The following RBM20 variants were observed in gnomAD, a reference collection of about 807,000 sequenced individuals.
RBM20 encodes the protein RNA-binding protein 20.
A neutral mutation model predicts 110.1 loss-of-function variants in RBM20; 51 were observed. The observed-to-expected ratio is 0.46, with a 90% CI of 0.37 to 0.59. The LOEUF (loss-of-function observed/expected upper bound fraction) is 0.59. Among genes scored for constraint, RBM20 ranks in the 20% least tolerant of loss-of-function variants. RBM20 has a pLI of 0.00. For missense variants in RBM20, 1,512 were observed against 1,574.9 expected (o/e 0.96, Z 0.68); for synonymous variants, 589 against 618.2 (o/e 0.95, Z 0.70).
chr10:110,688,974 C>T (rs1014766876), intron 1 of RBM20, among the ~76,000 whole-genome samples: 23 of 149,868 alleles, frequency 1.5e-4, no homozygotes, highest in African/African-American at 5.2e-4. Context: ...ATAATAGGAT[C>T]TTATAGAATG....
intron 1 of RBM20, among the ~76,000 whole-genome samples, chr10:110,673,736 A>G (rs1331948106): frequency 2.0e-5 from 3 of 152,144 alleles, no homozygotes; most frequent in Admixed American, 6.5e-5. Flanking sequence ...AACTCCCCAC[A>G]TTCTGAGGAC....
At chr10:110,753,087 C>T (rs1359361560) in intron 1 of RBM20, among the ~76,000 whole-genome samples, 4 of 151,198 alleles carry the variant, frequency 2.6e-5, no homozygotes, top group Non-Finnish European at 5.9e-5. Context: ...TGCAGGCGTG[C>T]GCCACCATAC....
chr10:110,702,711 T>A (rs373337453), intron 1 of RBM20, among the ~76,000 whole-genome samples: 27 of 152,184 alleles, frequency 1.8e-4, no homozygotes, highest in African/African-American at 5.5e-4. Context: ...AATGCAGAGA[T>A]CTCAGAAGGG....
intron 1 of RBM20, among the ~76,000 whole-genome samples, chr10:110,770,152 G>T (rs974270813): frequency 6.6e-6 from 1 of 152,166 alleles, no homozygotes; most frequent in African/African-American, 2.4e-5. Flanking sequence ...CAGATCTTCC[G>T]AGTCAGACAC....
At chr10:110,725,404 G>A (rs2134939833) in intron 1 of RBM20, among the ~76,000 whole-genome samples, 1 of 152,330 alleles carries the variant, frequency 6.6e-6, no homozygotes, top group Middle Eastern at 3.4e-3. Context: ...CCTGAAGGAT[G>A]TTTTAAAAGT....
At chr10:110,659,994 T>C (rs916467514) in intron 1 of RBM20, among the ~76,000 whole-genome samples, 5 of 152,132 alleles carry the variant, frequency 3.3e-5, no homozygotes, top group Middle Eastern at 3.4e-3. Flanking sequence ...TTTTTGTATT[T>C]TTTTGTAGAG....
At position 110,739,351 on chromosome 10, in the gene RBM20, C is replaced by T. The variant is rs1354923467; in HGVS notation, c.192-41450C>T. Among the ~76,000 whole-genome samples, 1 of 152,142 alleles carries T rather than the reference C, an allele frequency of 6.6e-6. No individual in the cohort carries two copies. The highest frequency in any genetic ancestry group is 2.4e-5 in the African/African-American group (1 of 41,406). On this transcript the variant is annotated intron_variant, in intron 1 of 13. Coordinates refer to ENST00000369519, the MANE Select transcript of RBM20 (RefSeq NM_001134363.3). The surrounding 1 kb of genome is among the most constrained non-coding windows in gnomAD (Gnocchi z 4.1). ...AGGTGCCCACTCTGGGTTACTGTGTCTCGCACTGTCCTGGACACTAGGGAT... is the reference window on the plus strand; with the variant it reads ...AGGTGCCCACTCTGGGTTACTGTGTTTCGCACTGTCCTGGACACTAGGGAT...
At chr10:110,804,855 AT>A (rs947814573) in intron 7 of RBM20, among the ~76,000 whole-genome samples, 1 of 152,178 alleles carries the variant, frequency 6.6e-6, no homozygotes. Flanking sequence ...TCATCAGGGG[AT>A]TTTTTGTGGG....
chr10:110,742,060 C>T (rs913602015), intron 1 of RBM20, among the ~76,000 whole-genome samples: 1 of 152,166 alleles, frequency 6.6e-6, no homozygotes, highest in Non-Finnish European at 1.5e-5. Context: ...AGTGCTCCAC[C>T]CTTTTTTGTA....
intron 12 of RBM20, among the ~76,000 whole-genome samples, chr10:110,823,875 G>C (rs1040145421): frequency 1.4e-5 from 2 of 144,220 alleles, no homozygotes; most frequent in Non-Finnish European, 3.0e-5. Flanking sequence ...ACACCACCAG[G>C]CCCGGCTAAT....
At chr10:110,684,803 A>T (rs1419473247) in intron 1 of RBM20, among the ~76,000 whole-genome samples, 1 of 152,234 alleles carries the variant, frequency 6.6e-6, no homozygotes, top group Admixed American at 6.5e-5. Context: ...CCATGTGTTT[A>T]TTTCACTATC....
intron 1 of RBM20, among the ~76,000 whole-genome samples, chr10:110,690,257 T>A (rs1214649340): frequency 6.6e-6 from 1 of 152,072 alleles, no homozygotes; most frequent in Non-Finnish European, 1.5e-5. Context: ...AAAATTTAAA[T>A]TAGCTGGGTG....
At chr10:110,707,698 G>A (rs1862862796) in intron 1 of RBM20, among the ~76,000 whole-genome samples, 1 of 152,182 alleles carries the variant, frequency 6.6e-6, no homozygotes, top group Non-Finnish European at 1.5e-5. Flanking sequence ...ATATGTGGGA[G>A]CTAAAAATTA....
chr10:110,720,551 A>C (rs1418710920), intron 1 of RBM20, among the ~76,000 whole-genome samples: 2 of 152,084 alleles, frequency 1.3e-5, no homozygotes, highest in East Asian at 3.9e-4. Context: ...CTACCTTAAG[A>C]CACAGTCAGA....
intron 1 of RBM20, among the ~76,000 whole-genome samples, chr10:110,747,296 T>TGG (rs370293230): frequency 1.6e-3 from 218 of 136,896 alleles, no homozygotes; most frequent in Middle Eastern, 3.5e-3. Context: ...ACTCTTTTTT[T>TGG]GGGGGGGGGG....
At position 110,838,089 on chromosome 10, in the gene RBM20, T is replaced by C. The variant is rs1386252304; in HGVS notation, c.*2111T>C. ...GAAGTGTCCTTGGTTTTAACCTTTA[T>C]AAGGAAAGCAGCTTTGAGATGACCA... On this transcript the variant is annotated 3_prime_UTR_variant, in exon 14 of 14. Transcript: ENST00000369519. 1 of 152,220 alleles carries C rather than the reference T, an allele frequency of 6.6e-6. No homozygotes were observed. Among genetic ancestry groups the C allele is most frequent in the African/African-American group, 2.4e-5 (1 of 41,460 alleles). The allele number at this position is 152,220 out of a possible 1,614,324, so 9.4% of individuals were successfully genotyped here. A position where few individuals can be genotyped will look rare whatever the true frequency, so the allele number is the denominator to read the frequency against.
At chr10:110,764,746 C>T (rs747509471) in intron 1 of RBM20, among the ~76,000 whole-genome samples, 2 of 152,174 alleles carry the variant, frequency 1.3e-5, no homozygotes, top group African/African-American at 2.4e-5. Flanking sequence ...GAGGCACATG[C>T]GCAACACCCA....
intron 1 of RBM20, among the ~76,000 whole-genome samples, chr10:110,729,469 T>C (rs73356966): frequency 0.023 from 3,459 of 152,332 alleles, 115 homozygotes; most frequent in African/African-American, 0.075. Context: ...CTTTGATGCA[T>C]TGATCAACCC....
chr10:110,834,785 C>T (rs980618497), intron 13 of RBM20, among the ~76,000 whole-genome samples: 1 of 152,232 alleles, frequency 6.6e-6, no homozygotes, highest in African/African-American at 2.4e-5. Context: ...TAATCCAGTG[C>T]TCTTTGCCTT....
Sources: allele counts gnomAD v4.1 joint callset (sites outside exome capture counted in the v4.1 genomes callset), GRCh38; gene constraint gnomAD v4.1.1; non-coding constraint Gnocchi (gnomAD v3.1); transcripts MANE v1.5; gene names NCBI Gene and HGNC (gene_info 2026-07-23, HGNC 2026-07-21).